Variants in NR3C1 observed in about 807,000 individuals in gnomAD.
NR3C1 encodes the protein nuclear receptor subfamily 3 group C member 1.
A neutral mutation model predicts 74.0 loss-of-function variants in NR3C1; 14 were observed. That is an observed-to-expected ratio of 0.19 (90% CI 0.12 to 0.30). The LOEUF (loss-of-function observed/expected upper bound fraction) is 0.30. Among genes scored for constraint, NR3C1 ranks in the 10% least tolerant of loss-of-function variants. The pLI is 1.00. For synonymous variants in NR3C1, 308 were observed against 332.5 expected, an observed-to-expected ratio of 0.93 and a Z score of 0.80; for missense variants, 695 against 909.8, an observed-to-expected ratio of 0.76 and a Z score of 3.04.
At chr5:143,371,808 A>G (rs995721389) in intron 2 of NR3C1, among the ~76,000 whole-genome samples, 6 of 152,234 alleles carry the variant, frequency 3.9e-5, no homozygotes, top group African/African-American at 1.4e-4. Context: ...ATCATTATCT[A>G]TGCCACTATT....
chr5:143,431,609 C>A (rs182728968), intron 1 of NR3C1, among the ~76,000 whole-genome samples: 1 of 152,024 alleles, frequency 6.6e-6, no homozygotes, highest in Non-Finnish European at 1.5e-5. Flanking sequence ...CACATGCATA[C>A]CTGTGTAACA....
chr5:143,281,717 G>T lies in NR3C1; in HGVS notation c.*172C>A. On this transcript the variant is annotated 3_prime_UTR_variant, in exon 9 of 9. Transcript: ENST00000394464. ...AAGTGATGACGACTCAACTGCTTCT[G>T]TTGCCAAGTCTTGGCCCTCTATAAA... 1.6e-6 allele frequency: 1 copy of T among 632,452 alleles called. No homozygotes were observed. The highest frequency in any genetic ancestry group is 2.7e-6 in the Non-Finnish European group (1 of 370,704). 39.2% of individuals were successfully genotyped at this position (632,452 alleles called of 1,614,324 possible).
At chr5:143,301,471 GATTTATATTGATT>G (rs1175262696) in intron 4 of NR3C1, among the ~76,000 whole-genome samples, 4 of 152,094 alleles carry the variant, frequency 2.6e-5, no homozygotes, top group Admixed American at 2.0e-4. Context: ...TTATAAGGAA[GATTTATATTGATT>G]ACTCTATAAA....
intron 8 of NR3C1, 47 bp from the exon 9 acceptor site, chr5:143,282,088 G>A: frequency 6.2e-7 from 1 of 1,603,930 alleles, no homozygotes; most frequent in Non-Finnish European, 8.5e-7. Context: ...ATTGGTCAGT[G>A]GGAACATCTC....
chr5:143,360,491 A>G (rs1486457223), intron 2 of NR3C1, among the ~76,000 whole-genome samples: 1 of 152,252 alleles, frequency 6.6e-6, no homozygotes, highest in Non-Finnish European at 1.5e-5. Flanking sequence ...CTACAGGAGT[A>G]GCTAATTGGA....
chr5:143,381,991 T>C (rs1836342009), intron 2 of NR3C1, among the ~76,000 whole-genome samples: 1 of 151,870 alleles, frequency 6.6e-6, no homozygotes, highest in Non-Finnish European at 1.5e-5. Context: ...ACCCACAAAA[T>C]GGAAGAAAAT....
intron 2 of NR3C1, among the ~76,000 whole-genome samples, chr5:143,346,106 G>A (rs1435320745): frequency 2.0e-5 from 3 of 152,200 alleles, no homozygotes; most frequent in Non-Finnish European, 4.4e-5. Flanking sequence ...GGCATACACT[G>A]CATGCTGTCA....
At chr5:143,333,593 C>A (rs960736944) in intron 2 of NR3C1, among the ~76,000 whole-genome samples, 2 of 152,012 alleles carry the variant, frequency 1.3e-5, no homozygotes, top group African/African-American at 4.8e-5. Context: ...CATGGTGAAA[C>A]CCTGTCTCTA....
chr5:143,391,193 G>A (rs908373010), intron 2 of NR3C1, among the ~76,000 whole-genome samples: 3 of 151,922 alleles, frequency 2.0e-5, no homozygotes, highest in South Asian at 2.1e-4. Context: ...GTTCTACATC[G>A]GTATGTTTAC....
At chr5:143,321,428 G>T (rs1019246992) in intron 2 of NR3C1, among the ~76,000 whole-genome samples, 1 of 152,010 alleles carries the variant, frequency 6.6e-6, no homozygotes, top group Admixed American at 6.6e-5. Flanking sequence ...CATCCACTCT[G>T]ACCGCTGCCA....
intron 2 of NR3C1, among the ~76,000 whole-genome samples, chr5:143,339,456 A>G (rs916406519): frequency 2.6e-5 from 4 of 152,004 alleles, no homozygotes; most frequent in South Asian, 2.1e-4. Context: ...TTATCTTTCA[A>G]TCCTTCAACT....
intron 1 of NR3C1, among the ~76,000 whole-genome samples, chr5:143,411,989 C>T (rs573584549): frequency 1.3e-5 from 2 of 151,970 alleles, no homozygotes; most frequent in East Asian, 3.9e-4. Flanking sequence ...TTTTGAAGGC[C>T]AAAGGTAAGC....
At chr5:143,388,291 G>A (rs1235546650) in intron 2 of NR3C1, among the ~76,000 whole-genome samples, 2 of 152,106 alleles carry the variant, frequency 1.3e-5, no homozygotes, top group Non-Finnish European at 2.9e-5. Context: ...ATTTCTATCT[G>A]GGGAAGATAA....
In NR3C1 at chr5:143,295,519, C is replaced by A; in HGVS notation, c.1964G>T (p.Arg655Met). ...ATACTCTTCATAAGATACCTGAAGC[C>A]TGTGTAACTCAGAGGAAACATACAG... ...HMLYVSSELH[R>M]LQVSYEEYLC... The change falls in exon 7 of 9, where the codon AGG becomes ATG. Residue 655 changes from arginine (R) to methionine (M), a missense_variant. This residue lies in a region of NR3C1 where 133 missense variants were observed against 287.9 expected (regional missense o/e 0.46). Coordinates refer to ENST00000394464, the MANE Select transcript of NR3C1 (RefSeq NM_000176.3). The A allele has an allele frequency of 6.2e-7, 1 of 1,613,260 alleles. No homozygotes were observed. The highest frequency in any genetic ancestry group is 8.5e-7 in the Non-Finnish European group (1 of 1,179,500).
At chr5:143,308,288 C>T (rs1230181978) in intron 4 of NR3C1, among the ~76,000 whole-genome samples, 3 of 151,944 alleles carry the variant, frequency 2.0e-5, no homozygotes, top group East Asian at 3.9e-4. Context: ...AGCAAGACCC[C>T]TTTGTCTCTA....
chr5:143,389,926 T>C, intron 2 of NR3C1: 1 of 979,882 alleles, frequency 1.0e-6, no homozygotes, highest in East Asian at 1.1e-4. Context: ...CTCTGAAAAC[T>C]TATAAATCAT....
intron 1 of NR3C1, among the ~76,000 whole-genome samples, chr5:143,429,718 C>T (rs1020312821): frequency 1.1e-4 from 16 of 152,034 alleles, no homozygotes; most frequent in African/African-American, 3.6e-4. Context: ...TGGAAATGAC[C>T]TTAATATTAA....
At chr5:143,357,697 A>G (rs61752269) in intron 2 of NR3C1, among the ~76,000 whole-genome samples, 7 of 152,244 alleles carry the variant, frequency 4.6e-5, no homozygotes, top group Non-Finnish European at 1.0e-4. Flanking sequence ...AGTATCTCCA[A>G]AATAGAATTT....
intron 1 of NR3C1, chr5:143,401,213 GTATT>G (rs1840217718): frequency 4.1e-6 from 1 of 246,874 alleles, no homozygotes; most frequent in African/African-American, 2.2e-5. Flanking sequence ...TGATGTCAAA[GTATT>G]TAATTTCAAA....
Sources: allele counts gnomAD v4.1 joint callset (sites outside exome capture counted in the v4.1 genomes callset), GRCh38; gene constraint gnomAD v4.1.1; regional missense constraint gnomAD v4.1.1; transcripts MANE v1.5; gene names NCBI Gene and HGNC (gene_info 2026-07-23, HGNC 2026-07-21).